The following AVEN variants were observed in gnomAD, a reference collection of about 807,000 sequenced individuals.
AVEN encodes the protein cell death regulator Aven.
A neutral mutation model predicts 38.1 loss-of-function variants in AVEN; 41 were observed. The observed-to-expected ratio is 1.08, with a 90% CI of 0.84 to 1.40. AVEN has a LOEUF of 1.40. Among genes scored for constraint, AVEN ranks in the 40% most tolerant of loss-of-function variants. The pLI is 0.00. For missense variants in AVEN, 605 were observed against 438.8 expected, an observed-to-expected ratio of 1.38 and a Z score of -3.38; for synonymous variants, 206 against 171.8, an observed-to-expected ratio of 1.20 and a Z score of -1.56.
rs11284986 is a variant in AVEN at position 33,937,130 on chromosome 15, CAAAAAAAAA to C, written c.446-61144_446-61136del. Among the ~76,000 whole-genome samples the C allele has an allele frequency of 1.0e-4, 11 of 106,278 alleles. No homozygotes were observed. The East Asian group carries it at 3.1e-3, about 30-fold the overall frequency. 69.7% of individuals were successfully genotyped at this position (106,278 alleles called of 152,430 possible). On this transcript the variant is annotated intron_variant, in intron 2 of 5. Coordinates refer to ENST00000306730, the MANE Select transcript of AVEN (RefSeq NM_020371.3). ...TGGGCGACAGAGCGAGACTTCAACT[CAAAAAAAAA>C]AAAAAAAAAAGACCAAAAACAGACA...
intron 2 of AVEN, among the ~76,000 whole-genome samples, chr15:33,914,055 GC>G (rs1223066182): frequency 6.6e-6 from 1 of 152,130 alleles, no homozygotes; most frequent in East Asian, 1.9e-4. Context: ...AGCACAAAGA[GC>G]AGGGAGGAGC....
In AVEN at chr15:33,860,940, C is replaced by G. The variant is rs945058822; in HGVS notation, n.2730-1846G>C. 5.6e-5 allele frequency: 35 copies of G among 622,126 alleles called. 1 individual carries two copies. The Admixed American group carries it at 8.3e-4, about 15-fold the overall frequency. The allele number at this position is 622,126 out of a possible 1,614,324, so 38.5% of individuals were successfully genotyped here. ...AATGACTAATAGCCAATGTATGGCA[C>G]TACTGAGTGAATGACTAATAGCCAA... On this transcript the variant is annotated intron_variant and non_coding_transcript_variant, in intron 11 of 11. Coordinates refer to the AVEN transcript ENST00000675287.
At chr15:34,055,263 C>T (rs1171272119) in intron 5 of AVEN, among the ~76,000 whole-genome samples, 10 of 151,646 alleles carry the variant, frequency 6.6e-5, no homozygotes, top group Non-Finnish European at 1.5e-4. Flanking sequence ...TTTGGGAGGC[C>T]GAGGTGGGTG....
At chr15:33,930,912 A>T (rs956370504) in intron 2 of AVEN, among the ~76,000 whole-genome samples, 1 of 148,754 alleles carries the variant, frequency 6.7e-6, no homozygotes, top group Non-Finnish European at 1.5e-5. Context: ...CCAAGATCAC[A>T]CCACTGTACT....
At chr15:33,873,649 T>A (rs951199270) in intron 3 of AVEN, among the ~76,000 whole-genome samples, 2 of 150,852 alleles carry the variant, frequency 1.3e-5, no homozygotes, top group Non-Finnish European at 2.9e-5. Context: ...AGGAAGAAAA[T>A]TTAGTGAGGA....
At chr15:34,028,695 G>A (rs1898614876) in intron 1 of AVEN, among the ~76,000 whole-genome samples, 1 of 152,144 alleles carries the variant, frequency 6.6e-6, no homozygotes, top group South Asian at 2.1e-4. Context: ...GCTGTGTAAG[G>A]TAGATATCCT....
intron 2 of AVEN, among the ~76,000 whole-genome samples, chr15:33,909,435 G>A (rs1018465180): frequency 3.9e-5 from 6 of 152,128 alleles, no homozygotes; most frequent in African/African-American, 1.4e-4. Flanking sequence ...AGTGACATGG[G>A]TTAATACTCA....
At chr15:33,925,592 AG>A (rs939473283) in intron 2 of AVEN, among the ~76,000 whole-genome samples, 1 of 152,222 alleles carries the variant, frequency 6.6e-6, no homozygotes, top group Non-Finnish European at 1.5e-5. Flanking sequence ...TAATTGCATA[AG>A]ACACTTAAAA....
chr15:34,026,675 AT>A (rs1282530998), intron 1 of AVEN, among the ~76,000 whole-genome samples: 1 of 152,030 alleles, frequency 6.6e-6, no homozygotes, highest in African/African-American at 2.4e-5. Context: ...AGGAAAAAAA[AT>A]GATAGACTAT....
chr15:34,014,294 G>A (rs1024339703), intron 1 of AVEN, among the ~76,000 whole-genome samples: 2 of 148,502 alleles, frequency 1.3e-5, no homozygotes, highest in African/African-American at 2.5e-5. Flanking sequence ...AACCCAGGAG[G>A]CAGAGATTAC....
intron 2 of AVEN, among the ~76,000 whole-genome samples, chr15:33,927,223 C>G (rs1259361643): frequency 6.6e-6 from 1 of 151,582 alleles, no homozygotes; most frequent in East Asian, 2.0e-4. Context: ...CCACTGCACT[C>G]CAGCCTGGGT....
At chr15:33,973,559 A>G (rs978766790) in intron 2 of AVEN, among the ~76,000 whole-genome samples, 3 of 151,940 alleles carry the variant, frequency 2.0e-5, no homozygotes, top group Non-Finnish European at 4.4e-5. Context: ...TCCATTGAAA[A>G]CCTATTTATG....
intron 2 of AVEN, among the ~76,000 whole-genome samples, chr15:33,911,943 C>A (rs1235253823): frequency 6.6e-6 from 1 of 152,150 alleles, no homozygotes; most frequent in Non-Finnish European, 1.5e-5. Context: ...TATGTTGGAT[C>A]TCCCAATAAC....
intron 2 of AVEN, among the ~76,000 whole-genome samples, chr15:33,934,581 G>C (rs1893989260): frequency 6.7e-6 from 1 of 148,906 alleles, no homozygotes; most frequent in African/African-American, 2.6e-5. Context: ...TGCAAACTCT[G>C]TGAAGTGGAG....
chr15:33,860,555 C>T (rs2303309), intron 11 of AVEN: 2 of 1,294,958 alleles, frequency 1.5e-6, no homozygotes, highest in African/African-American at 1.4e-5. Flanking sequence ...ACCCCTGAAC[C>T]ACTACACAGA....
At chr15:33,985,094 A>G (rs1404414002) in intron 2 of AVEN, among the ~76,000 whole-genome samples, 2 of 152,086 alleles carry the variant, frequency 1.3e-5, no homozygotes, top group African/African-American at 4.8e-5. Context: ...TGGTTTCCTC[A>G]CATCTATATC....
intron 3 of AVEN, among the ~76,000 whole-genome samples, chr15:33,874,411 C>T (rs1891136441): frequency 6.6e-6 from 1 of 152,104 alleles, no homozygotes; most frequent in African/African-American, 2.4e-5. Flanking sequence ...CTGAGCATAA[C>T]CTCGTTTTCC....
chr15:34,074,371 T>G (rs906412007), intron 1 of AVEN, among the ~76,000 whole-genome samples: 10 of 152,188 alleles, frequency 6.6e-5, no homozygotes, highest in African/African-American at 1.2e-4. Flanking sequence ...ATAACTGTGT[T>G]AGTTTCCTAG....
chr15:33,977,950 A>T (rs922961484), intron 2 of AVEN, among the ~76,000 whole-genome samples: 1 of 151,762 alleles, frequency 6.6e-6, no homozygotes, highest in Non-Finnish European at 1.5e-5. Flanking sequence ...GAGAAAAAAG[A>T]AAAGAAAAGA....
Sources: allele counts gnomAD v4.1 joint callset (sites outside exome capture counted in the v4.1 genomes callset), GRCh38; gene constraint gnomAD v4.1.1; transcripts MANE v1.5; gene names NCBI Gene and HGNC (gene_info 2026-07-23, HGNC 2026-07-21).